Variants in CDH13 observed in about 807,000 individuals in gnomAD.
CDH13 encodes the protein cadherin-13.
CDH13 carries 24 observed loss-of-function variants against 63.8 expected under a neutral mutation model. That is an observed-to-expected ratio of 0.38 (90% CI 0.27 to 0.53). CDH13 has a LOEUF of 0.53. CDH13 is among the 20% of genes least tolerant of loss of function. The probability of loss-of-function intolerance (pLI) is 0.85; values close to 1 mark genes in which losing one functional copy is unlikely to be tolerated. For missense variants in CDH13, 1,049 were observed against 903.1 expected, an observed-to-expected ratio of 1.16 and a Z score of -2.07; for synonymous variants, 503 against 355.3, an observed-to-expected ratio of 1.42 and a Z score of -4.67.
intron 5 of CDH13, among the ~76,000 whole-genome samples, chr16:83,344,095 T>C (rs116026991): frequency 0.013 from 1,942 of 152,262 alleles, 45 homozygotes; most frequent in African/African-American, 0.044. Flanking sequence ...CCAACACTTA[T>C]ATCCAAGAGG....
chr16:83,482,760 G>A (rs954232688), intron 6 of CDH13, among the ~76,000 whole-genome samples: 8 of 152,142 alleles, frequency 5.3e-5, no homozygotes, highest in African/African-American at 1.9e-4. Context: ...GTGTGCACGT[G>A]TGTGTGTGTT....
intron 7 of CDH13, among the ~76,000 whole-genome samples, chr16:83,514,255 A>G (rs1290855039): frequency 6.6e-6 from 1 of 152,194 alleles, no homozygotes; most frequent in Non-Finnish European, 1.5e-5. Flanking sequence ...TCTACCCAGA[A>G]CCTCAGAATG....
rs1352345314 is a variant in CDH13, at chr16:83,796,279, G to A, written c.*1249G>A. ...AATTTTTCTATCAAATAAAACTAGT[G>A]ACAGCTTGTGGCTTTTTATTAGAGC... On this transcript the variant is annotated 3_prime_UTR_variant, in exon 14 of 14. Transcript: ENST00000567109. 1.3e-5 allele frequency: 2 copies of A among 152,188 alleles called. No homozygotes were observed. The highest frequency in any genetic ancestry group is 6.5e-5 in the Admixed American group (1 of 15,272). The allele number at this position is 152,188 out of a possible 1,614,324, so 9.4% of individuals were successfully genotyped here. A position where few individuals can be genotyped will look rare whatever the true frequency, so the allele number is the denominator to read the frequency against.
At chr16:83,635,238 T>C (rs1190199200) in intron 8 of CDH13, among the ~76,000 whole-genome samples, 1 of 152,168 alleles carries the variant, frequency 6.6e-6, no homozygotes, top group African/African-American at 2.4e-5. Flanking sequence ...AGTGTTCTCT[T>C]TGGTGAAATG....
chr16:82,742,211 T>G (rs960332279), intron 1 of CDH13, among the ~76,000 whole-genome samples: 16 of 152,254 alleles, frequency 1.1e-4, no homozygotes, highest in African/African-American at 3.8e-4. Context: ...CTATTGTTAG[T>G]TACATCCCAT....
At chr16:82,810,923 T>C (rs557949427) in intron 1 of CDH13, among the ~76,000 whole-genome samples, 1 of 152,182 alleles carries the variant, frequency 6.6e-6, no homozygotes, top group Non-Finnish European at 1.5e-5. Context: ...TTTGCAATTA[T>C]TAGTTGGAGA....
At chr16:82,676,355 C>T (rs1173994866) in intron 1 of CDH13, among the ~76,000 whole-genome samples, 1 of 152,144 alleles carries the variant, frequency 6.6e-6, no homozygotes, top group Non-Finnish European at 1.5e-5. Context: ...GCACCATTCT[C>T]CATCCAGTTT....
At chr16:83,617,533 C>G (rs992968911) in intron 8 of CDH13, among the ~76,000 whole-genome samples, 10 of 151,148 alleles carry the variant, frequency 6.6e-5, no homozygotes, top group African/African-American at 2.4e-4. Context: ...TATATAATAT[C>G]TATTCTTTTC....
intron 3 of CDH13, among the ~76,000 whole-genome samples, chr16:83,069,036 C>A (rs1421884960): frequency 1.3e-5 from 2 of 152,208 alleles, no homozygotes; most frequent in East Asian, 1.9e-4. Flanking sequence ...GAACAAGAAG[C>A]ATTAACTGCT....
chr16:83,466,647 G>A (rs2073324701), intron 6 of CDH13, among the ~76,000 whole-genome samples: 1 of 152,158 alleles, frequency 6.6e-6, no homozygotes, highest in African/African-American at 2.4e-5. Flanking sequence ...AAACGGAGTG[G>A]GGGGCTCAGA....
intron 8 of CDH13, among the ~76,000 whole-genome samples, chr16:83,652,367 A>G (rs1350879337): frequency 1.3e-5 from 2 of 152,118 alleles, no homozygotes; most frequent in South Asian, 2.1e-4. Flanking sequence ...AAGTGTGTCA[A>G]TCTCCCTACA....
At chr16:83,240,856 C>T (rs1382634110) in intron 5 of CDH13, among the ~76,000 whole-genome samples, 1 of 150,826 alleles carries the variant, frequency 6.6e-6, no homozygotes, top group Non-Finnish European at 1.5e-5. Context: ...ACCTCTGTGC[C>T]TAGCTTCTTA....
intron 1 of CDH13, among the ~76,000 whole-genome samples, chr16:82,694,947 A>T (rs16958326): frequency 0.014 from 2,094 of 152,272 alleles, 54 homozygotes; most frequent in African/African-American, 0.048. Context: ...TTCTCTGATT[A>T]TATGACCATG....
At chr16:83,077,757 C>T (rs1210695227) in intron 3 of CDH13, among the ~76,000 whole-genome samples, 1 of 152,150 alleles carries the variant, frequency 6.6e-6, no homozygotes, top group African/African-American at 2.4e-5. Flanking sequence ...ATGGGGTAGA[C>T]TCATATTGAG....
chr16:83,575,982 C>T (rs1000745826), intron 7 of CDH13, among the ~76,000 whole-genome samples: 4 of 152,126 alleles, frequency 2.6e-5, no homozygotes, highest in East Asian at 3.9e-4. Flanking sequence ...AATTCAGTGG[C>T]GTTTAGTACG....
intron 11 of CDH13, among the ~76,000 whole-genome samples, chr16:83,753,407 A>G (rs1008449893): frequency 6.6e-6 from 1 of 152,154 alleles, no homozygotes. Context: ...AGTCATGCAC[A>G]GTGGCACATG....
At chr16:83,067,821 C>G (rs1320463874) in intron 3 of CDH13, among the ~76,000 whole-genome samples, 2 of 152,164 alleles carry the variant, frequency 1.3e-5, no homozygotes, top group South Asian at 2.1e-4. Context: ...TCCTGCCCCT[C>G]TCTTCTTCTC....
At chr16:83,488,950 A>G (rs8044754) in intron 7 of CDH13, among the ~76,000 whole-genome samples, 101,874 of 151,970 alleles carry the variant, frequency 0.67, 35,619 homozygotes, top group East Asian at 0.88. Context: ...TATGACTGAC[A>G]TATTTTCTTC....
At chr16:83,683,406 A>G (rs1013620495) in intron 10 of CDH13, among the ~76,000 whole-genome samples, 2 of 152,232 alleles carry the variant, frequency 1.3e-5, no homozygotes, top group African/African-American at 4.8e-5. Context: ...TCCCTTTTCC[A>G]CAGCTTGGAT....
Sources: allele counts gnomAD v4.1 joint callset (sites outside exome capture counted in the v4.1 genomes callset), GRCh38; gene constraint gnomAD v4.1.1; transcripts MANE v1.5; gene names NCBI Gene and HGNC (gene_info 2026-07-23, HGNC 2026-07-21).